Variants in NYAP1 observed in about 807,000 individuals in gnomAD.
NYAP1 encodes neuronal tyrosine phosphorylated phosphoinositide-3-kinase adaptor 1, also known as neuronal tyrosine-phosphorylated phosphoinositide-3-kinase adapter 1.
Under a neutral mutation model 58.6 loss-of-function variants are expected in NYAP1, and 20 were observed. The ratio of observed to expected loss-of-function variants is 0.34; its 90% confidence interval spans 0.24 to 0.50. NYAP1 has a LOEUF of 0.50. NYAP1 is among the 20% of genes least tolerant of loss of function. The pLI, the probability that NYAP1 is intolerant of heterozygous loss-of-function variation, is 0.98. For missense variants in NYAP1, 1,150 were observed against 1,194.5 expected, an observed-to-expected ratio of 0.96 and a Z score of 0.55; for synonymous variants, 572 against 523.1, an observed-to-expected ratio of 1.09 and a Z score of -1.27.
rs769979962 is a variant in NYAP1, at chr7:100,488,250, G to T, written c.529G>T (p.Asp177Tyr). 1 of 1,613,930 alleles carries T rather than the reference G, an allele frequency of 6.2e-7. No homozygotes were observed. Among genetic ancestry groups the T allele is most frequent in the South Asian group, 1.1e-5 (1 of 91,072 alleles). ...TAACACCCAGCTCTCTGTCTCCTTCGATGAGTCCTGCCCCCCAGGCCCCTC... is the reference window on the plus strand; with the variant it reads ...TAACACCCAGCTCTCTGTCTCCTTCTATGAGTCCTGCCCCCCAGGCCCCTC... Reference protein sequence around the residue: ...SPNTQLSVSFDESCPPGPSPR... With the variant: ...SPNTQLSVSFYESCPPGPSPR... The change falls in exon 4 of 7, where the codon GAT (aspartate) becomes TAT (tyrosine). Residue 177 changes from aspartate to tyrosine, a missense_variant. Transcript: ENST00000300179. This position sits in a 1 kb window ranked among gnomAD's most constrained non-coding sequence, Gnocchi z 5.9.
At chr7:100,491,465 C>T (rs986520620) in intron 6 of NYAP1, among the ~76,000 whole-genome samples, 16 of 151,918 alleles carry the variant, frequency 1.1e-4, no homozygotes, top group African/African-American at 3.9e-4. Context: ...GGTGTGCCGT[C>T]GCAAGCCTGA....
chr7:100,492,954 AAG>A (rs1304537663), intron 6 of NYAP1, among the ~76,000 whole-genome samples: 2 of 151,956 alleles, frequency 1.3e-5, no homozygotes, highest in African/African-American at 4.8e-5. Context: ...GAAGGAGAGA[AAG>A]AGAGAAAGAA....
chr7:100,493,757 A>G lies in NYAP1; in HGVS notation c.2380A>G (p.Lys794Glu), dbSNP rs1412782446. The G allele has an allele frequency of 1.2e-6, 2 of 1,605,678 alleles. No homozygotes were observed. The highest frequency in any genetic ancestry group is 1.7e-5 in the Admixed American group (1 of 59,692). ...ERKRCVCKEI[K>E]ARHRPDRGLC... Reference sequence around the variant, plus strand: ...CAAGCGCTGCGTGTGCAAGGAGATCAAGGCGCGCCACCGCCCGGACCGAGG... The same window carrying G: ...CAAGCGCTGCGTGTGCAAGGAGATCGAGGCGCGCCACCGCCCGGACCGAGG... Residue 794 changes from lysine to glutamate, a missense_variant, in exon 7 of 7, where the codon AAG (lysine) becomes GAG (glutamate). Transcript: ENST00000300179.
rs1287250816 is a variant in NYAP1, at chr7:100,487,446, T to C, written c.430+264T>C. Among the ~76,000 whole-genome samples the C allele has an allele frequency of 2.0e-5, 3 of 151,514 alleles. No homozygotes were observed. Among genetic ancestry groups the C allele is most frequent in the African/African-American group, 7.3e-5 (3 of 41,242 alleles). On this transcript the variant is annotated intron_variant, in intron 3 of 6. Transcript: ENST00000300179. This position sits in a 1 kb window ranked among gnomAD's most constrained non-coding sequence, Gnocchi z 4.1. The stretch of plus-strand genomic sequence containing the variant: ...GGTAGGAGCTGCGAATTCTGGAGAA[T>C]ACGTTAGAAAGACTGAGGGCTGTGG...
Position 100,490,263 on chromosome 7 carries a change from C to T in NYAP1, c.1946-254C>T, listed in dbSNP as rs1457852364. ...CTGCGGTTGGGGAGGCCCCTCTGAC[C>T]AGGGAAAAGGGTTTGGATGCAGCAC... On this transcript the variant is annotated intron_variant, in intron 4 of 6. Coordinates refer to ENST00000300179, the MANE Select transcript of NYAP1 (RefSeq NM_173564.4). The surrounding 1 kb of genome is among the most constrained non-coding windows in gnomAD (Gnocchi z 4.6). Among the ~76,000 whole-genome samples the T allele has an allele frequency of 6.6e-6, 1 of 152,102 alleles. No individual in the cohort carries two copies. Among genetic ancestry groups the T allele is most frequent in the Non-Finnish European group, 1.5e-5 (1 of 68,014 alleles).
chr7:100,490,199 C>T lies in NYAP1; in HGVS notation c.1946-318C>T, dbSNP rs937775407. ...TCTTGATCCCAGGGGGATGGTCATTCTCGCCCTATCTGGAGATGGAGGGGC... is the reference window on the plus strand; with the variant it reads ...TCTTGATCCCAGGGGGATGGTCATTTTCGCCCTATCTGGAGATGGAGGGGC... On this transcript the variant is annotated intron_variant, in intron 4 of 6. Coordinates refer to ENST00000300179, the MANE Select transcript of NYAP1 (RefSeq NM_173564.4). This position sits in a 1 kb window ranked among gnomAD's most constrained non-coding sequence, Gnocchi z 4.6. Among the ~76,000 whole-genome samples, 2 of 152,126 alleles carry T rather than the reference C, an allele frequency of 1.3e-5. No homozygotes were observed. Among genetic ancestry groups the T allele is most frequent in the South Asian group, 4.1e-4 (2 of 4,824 alleles).
rs1355570169 is a variant in NYAP1 at position 100,489,073 on chromosome 7, G to GC, written c.1359dup (p.Lys454GlnfsTer112). The GC allele has an allele frequency of 3.9e-6, 6 of 1,547,344 alleles. No homozygotes were observed. Among genetic ancestry groups the GC allele is most frequent in the South Asian group, 1.2e-5 (1 of 84,522 alleles). ...CCTGCCCCGGCCGCCTTGCTCCCCG[G>GC]CCCCCCCAAGGACAAGGCCGTGTCT... On this transcript the variant is annotated frameshift_variant, in exon 4 of 7. Coordinates refer to ENST00000300179, the MANE Select transcript of NYAP1 (RefSeq NM_173564.4). LOFTEE classifies it high-confidence loss of function.
intron 1 of NYAP1, among the ~76,000 whole-genome samples, chr7:100,484,812 C>T (rs959485740): frequency 6.6e-6 from 1 of 151,956 alleles, no homozygotes; most frequent in African/African-American, 2.4e-5. Flanking sequence ...GTCTGTGTGC[C>T]TGTCTATCCC....
In NYAP1 at chr7:100,489,220, G is replaced by A; in HGVS notation, c.1499G>A (p.Cys500Tyr). The change falls in exon 4 of 7, where the codon TGT becomes TAT. Residue 500 changes from cysteine to tyrosine, a missense_variant. Coordinates refer to ENST00000300179, the MANE Select transcript of NYAP1 (RefSeq NM_173564.4). ...ATCTCGGTCCTCCATGGGATGCTGT[G>A]TACCAGCTCAAGGCCCCCTGTGCCA... ...KEISVLHGML[C>Y]TSSRPPVPGK... The A allele has an allele frequency of 1.2e-6, 2 of 1,609,068 alleles. No homozygotes were observed. The highest frequency in any genetic ancestry group is 1.7e-6 in the Non-Finnish European group (2 of 1,178,274).
rs756542484 is a variant in NYAP1, at chr7:100,489,543, G to A, written c.1822G>A (p.Val608Ile). 17 of 1,613,342 alleles carry A rather than the reference G, an allele frequency of 1.1e-5. No individual in the cohort carries two copies. Among genetic ancestry groups the A allele is most frequent in the African/African-American group, 5.3e-5 (4 of 74,876 alleles). ...TTTTGCCAGCATCTCCTGTGCCCACGTCATCGCCAGCGCAGGGACACCAGA... is the reference window on the plus strand; with the variant it reads ...TTTTGCCAGCATCTCCTGTGCCCACATCATCGCCAGCGCAGGGACACCAGA... The part of the protein sequence containing the change: ...GAFASISCAH[V>I]IASAGTPEEE... Residue 608 changes from valine (V) to isoleucine (I), a missense_variant, in exon 4 of 7, where the codon GTC (valine) becomes ATC (isoleucine). Physicochemically the swap from Val to Ile is conservative, Grantham distance 29. Coordinates refer to ENST00000300179, the MANE Select transcript of NYAP1 (RefSeq NM_173564.4).
intron 6 of NYAP1, among the ~76,000 whole-genome samples, chr7:100,493,078 T>C (rs1029499548): frequency 6.6e-6 from 1 of 151,842 alleles, no homozygotes; most frequent in African/African-American, 2.4e-5. Context: ...CGGTAGTTGA[T>C]ACCTGTGATC....
At chr7:100,484,287 A>G (rs1364056138) in intron 1 of NYAP1, among the ~76,000 whole-genome samples, 2 of 152,028 alleles carry the variant, frequency 1.3e-5, no homozygotes, top group Non-Finnish European at 2.9e-5. Flanking sequence ...GGAAAACCGG[A>G]GCAGGTATGG....
rs1408790416 is a variant in NYAP1 at position 100,493,832 on chromosome 7, C to CCCGAGCCCCGCAAGT, written c.2459_2473dup (p.Glu820_Ser824dup). 6.4e-7 allele frequency: 1 copy of CCCGAGCCCCGCAAGT among 1,572,106 alleles called. No individual in the cohort carries two copies. Among genetic ancestry groups the CCCGAGCCCCGCAAGT allele is most frequent in the Non-Finnish European group, 8.6e-7 (1 of 1,163,574 alleles). Reference sequence around the variant, plus strand: ...CATCCTCCCCAGCTGGCGGCGGGGACCCGAGCCCCGCAAGTCCGGCACCCC... The same window carrying CCCGAGCCCCGCAAGT: ...CATCCTCCCCAGCTGGCGGCGGGGACCCGAGCCCCGCAAGTCCGAGCCCCGCAAGTCCGGCACCCC... On this transcript the variant is annotated inframe_insertion, in exon 7 of 7. Transcript: ENST00000300179.
Position 100,485,895 on chromosome 7 carries a change from C to T in NYAP1, c.68+516C>T, listed in dbSNP as rs1003082133. Among the ~76,000 whole-genome samples the T allele has an allele frequency of 1.3e-5, 2 of 152,088 alleles. No homozygotes were observed. Among genetic ancestry groups the T allele is most frequent in the Non-Finnish European group, 2.9e-5 (2 of 68,004 alleles). On this transcript the variant is annotated intron_variant, in intron 2 of 6. Coordinates refer to ENST00000300179, the MANE Select transcript of NYAP1 (RefSeq NM_173564.4). This position sits in a 1 kb window ranked among gnomAD's most constrained non-coding sequence, Gnocchi z 5.7. ...CCAAAGAGCCAGGGCAGGGGACGAC[C>T]TCCAGACCCCTGCAATCCCTGTCTG... is the stretch of plus-strand genomic sequence containing the variant.
Position 100,493,696 on chromosome 7 carries a change from C to G in NYAP1, c.2319C>G (p.Arg773=), listed in dbSNP as rs776826583. 6.3e-7 allele frequency: 1 copy of G among 1,594,190 alleles called. No homozygotes were observed. Among genetic ancestry groups the G allele is most frequent in the South Asian group, 1.1e-5 (1 of 89,456 alleles). Residue 773 remains arginine (R), a synonymous_variant, in exon 7 of 7, where the codon CGC becomes CGG. Coordinates refer to ENST00000300179, the MANE Select transcript of NYAP1 (RefSeq NM_173564.4). ...LPLPLPPQPA[R]ERDGKLLEVI... ...TGCCCCTGCCGCCCCAGCCGGCCCG[C>G]GAGCGTGACGGGAAGCTGCTGGAGG...
At chr7:100,489,781 C>G in intron 4 of NYAP1, 115 bp downstream of exon 4, 1 of 804,348 alleles carries the variant, frequency 1.2e-6, no homozygotes, top group Non-Finnish European at 1.8e-6. Context: ...AGCCTTGAGT[C>G]TGGGATGTTT....
chr7:100,489,408 G>A lies in NYAP1; in HGVS notation c.1687G>A (p.Ala563Thr), dbSNP rs1799760357. 1 of 1,612,910 alleles carries A rather than the reference G, an allele frequency of 6.2e-7. No homozygotes were observed. Among genetic ancestry groups the A allele is most frequent in the Admixed American group, 1.7e-5 (1 of 60,000 alleles). Reference sequence around the variant, plus strand: ...AGCAGCTGGGCTCAAGAGACCCCCTGCCTATGAGAGCCTCAAGGCTGGGGG... The same window carrying A: ...AGCAGCTGGGCTCAAGAGACCCCCTACCTATGAGAGCCTCAAGGCTGGGGG... Reference protein sequence around the residue: ...ATAAGLKRPPAYESLKAGGVL... With the variant: ...ATAAGLKRPPTYESLKAGGVL... The change falls in exon 4 of 7, where the codon GCC becomes ACC. Residue 563 changes from alanine to threonine, a missense_variant. Ala to Thr is a moderately conservative substitution (Grantham distance 58). Coordinates refer to ENST00000300179, the MANE Select transcript of NYAP1 (RefSeq NM_173564.4).
Position 100,490,915 on chromosome 7 carries a change from C to A in NYAP1, c.2159-71C>A, listed in dbSNP as rs1584360984. 2 of 1,138,380 alleles carry A rather than the reference C, an allele frequency of 1.8e-6. No individual in the cohort carries two copies. Among genetic ancestry groups the A allele is most frequent in the East Asian group, 5.2e-5 (2 of 38,670 alleles). 70.5% of individuals were successfully genotyped at this position (1,138,380 alleles called of 1,614,324 possible). On this transcript the variant is annotated intron_variant, in intron 5 of 6. Coordinates refer to ENST00000300179, the MANE Select transcript of NYAP1 (RefSeq NM_173564.4). This position sits in a 1 kb window ranked among gnomAD's most constrained non-coding sequence, Gnocchi z 4.6. ...AGGGGCAGCCTGGACCATTCAAGGG[C>A]AGGGGACTGGGAACTAGGGGAGGGG... is the stretch of plus-strand genomic sequence containing the variant.
chr7:100,492,824 G>A (rs1474485125), intron 6 of NYAP1, among the ~76,000 whole-genome samples: 1 of 152,084 alleles, frequency 6.6e-6, no homozygotes, highest in East Asian at 1.9e-4. Flanking sequence ...ACTTGAGCCT[G>A]GGAGGTGGAG....
Sources: gnomAD v4.1 joint callset for allele counts (sites outside exome capture counted in the v4.1 genomes callset) on GRCh38, gnomAD v4.1.1 for gene constraint, Gnocchi (gnomAD v3.1) non-coding constraint, MANE v1.5 for transcripts, NCBI Gene and HGNC (gene_info 2026-07-23, HGNC 2026-07-21) for gene names.